The following B4GALT4 variants were observed in gnomAD, a reference collection of about 807,000 sequenced individuals.
The protein encoded by B4GALT4 is N-acetyllactosamine synthase.
B4GALT4 carries 27 observed loss-of-function variants against 37.3 expected under a neutral mutation model. The observed-to-expected ratio is 0.72, with a 90% CI of 0.53 to 1.00. B4GALT4 has a LOEUF of 1.00. Among genes scored for constraint, B4GALT4 ranks in the 50% least tolerant of loss-of-function variants. The probability of loss-of-function intolerance (pLI) is 0.00; values close to 1 mark genes in which losing one functional copy is unlikely to be tolerated. For missense variants in B4GALT4, 372 were observed against 413.1 expected, an observed-to-expected ratio of 0.90 and a Z score of 0.86; for synonymous variants, 148 against 154.1, an observed-to-expected ratio of 0.96 and a Z score of 0.29.
chr3:119,224,461 G>A (rs908594013), intron 4 of B4GALT4, among the ~76,000 whole-genome samples: 3 of 152,168 alleles, frequency 2.0e-5, no homozygotes, highest in African/African-American at 7.2e-5. Context: ...CCAGAACTTA[G>A]AAACAGTCCT....
At chr3:119,222,185 G>A (rs892121616) in intron 5 of B4GALT4, among the ~76,000 whole-genome samples, 2 of 152,340 alleles carry the variant, frequency 1.3e-5, no homozygotes, top group East Asian at 3.9e-4. Context: ...TCTATGGTAA[G>A]TGTCTAAGGT....
At chr3:119,235,423 T>C (rs541649932) in intron 2 of B4GALT4, among the ~76,000 whole-genome samples, 1 of 152,272 alleles carries the variant, frequency 6.6e-6, no homozygotes, top group Admixed American at 6.5e-5. Flanking sequence ...CATTCCAACA[T>C]CTCTGAACCT....
At chr3:119,223,585 G>T (rs891164537) in intron 5 of B4GALT4, among the ~76,000 whole-genome samples, 3 of 152,130 alleles carry the variant, frequency 2.0e-5, no homozygotes, top group African/African-American at 7.2e-5. Context: ...TGGCTCCCGA[G>T]AAGACTACTC....
At position 119,226,776 on chromosome 3, in the gene B4GALT4, C is replaced by G. The variant is rs72655934; in HGVS notation, c.486+33G>C. ...CAAGTCTGGCAGAGAAGAGGAGGGTCGAGGGCAGGCCCTGGTCTGCCCCCA... is the reference window on the plus strand; with the variant it reads ...CAAGTCTGGCAGAGAAGAGGAGGGTGGAGGGCAGGCCCTGGTCTGCCCCCA... On this transcript the variant is annotated intron_variant, in intron 4 of 7. Transcript: ENST00000393765. 1,687 of 1,570,444 alleles carry G rather than the reference C, an allele frequency of 1.1e-3. 10 individuals are homozygous for G. The African/African-American group carries it at 0.017, about 16-fold the overall frequency.
chr3:119,220,894 G>A (rs373940958), intron 5 of B4GALT4, among the ~76,000 whole-genome samples: 7 of 151,852 alleles, frequency 4.6e-5, no homozygotes, highest in Admixed American at 4.6e-4. Context: ...GCTGAGTCAG[G>A]AGAATCCCTT....
intron 5 of B4GALT4, among the ~76,000 whole-genome samples, chr3:119,219,773 C>G (rs1376033283): frequency 6.6e-6 from 1 of 152,114 alleles, no homozygotes; most frequent in East Asian, 1.9e-4. Context: ...TATCAGTGGA[C>G]AAATTTGTAA....
In B4GALT4 at chr3:119,212,297, T is replaced by C; in HGVS notation, c.*252A>G. ...TTTTATCCTTTGAGTCATCCTTTTA[T>C]ATAAAGTCCTTCAAGTATCCATATT... On this transcript the variant is annotated 3_prime_UTR_variant, in exon 8 of 8. Coordinates refer to ENST00000393765, the MANE Select transcript of B4GALT4 (RefSeq NM_003778.4). 1 of 692,014 alleles carries C rather than the reference T, an allele frequency of 1.4e-6. No individual in the cohort carries two copies. The highest frequency in any genetic ancestry group is 2.6e-6 in the Non-Finnish European group (1 of 381,028). The allele number at this position is 692,014 out of a possible 1,614,324, so 42.9% of individuals were successfully genotyped here. A position where few individuals can be genotyped will look rare whatever the true frequency, so the allele number is the denominator to read the frequency against.
intron 2 of B4GALT4, chr3:119,232,502 C>T (rs929229909): frequency 3.3e-5 from 5 of 152,264 alleles, no homozygotes; most frequent in Non-Finnish European, 7.3e-5. Flanking sequence ...TGGATATTTC[C>T]TCTTTTCTCC....
chr3:119,235,809 A>C (rs926418517), intron 2 of B4GALT4, among the ~76,000 whole-genome samples: 2 of 152,184 alleles, frequency 1.3e-5, no homozygotes, highest in African/African-American at 2.4e-5. Context: ...GAAGCATTTG[A>C]GTAATTTAAA....
intron 1 of B4GALT4, among the ~76,000 whole-genome samples, chr3:119,237,514 C>CAG (rs2079019893): frequency 6.6e-6 from 1 of 152,162 alleles, no homozygotes; most frequent in Non-Finnish European, 1.5e-5. Flanking sequence ...CACTCCAAAG[C>CAG]CAATGGGTCA....
chr3:119,214,889 T>TTA (rs2107457296), intron 7 of B4GALT4: 1 of 152,314 alleles, frequency 6.6e-6, no homozygotes, highest in Non-Finnish European at 1.5e-5. Flanking sequence ...AATGCATAGA[T>TTA]TAGACTGGCA....
intron 5 of B4GALT4, among the ~76,000 whole-genome samples, chr3:119,222,894 C>A (rs531340527): frequency 2.0e-5 from 3 of 152,210 alleles, no homozygotes; most frequent in African/African-American, 7.2e-5. Flanking sequence ...TACACACAGC[C>A]GGGGTTTAAA....
At chr3:119,238,254 C>A (rs2079041294) in intron 1 of B4GALT4, among the ~76,000 whole-genome samples, 1 of 139,752 alleles carries the variant, frequency 7.2e-6, no homozygotes, top group Non-Finnish European at 1.6e-5. Context: ...GCATCAGAGA[C>A]CCTGTCTCTA....
Position 119,230,112 on chromosome 3 carries a change from G to C in B4GALT4, c.-13C>G, listed in dbSNP as rs368354053. 1 of 1,613,622 alleles carries C rather than the reference G, an allele frequency of 6.2e-7. No homozygotes were observed. Among genetic ancestry groups the C allele is most frequent in the Non-Finnish European group, 8.5e-7 (1 of 1,179,756 alleles). The stretch of plus-strand genomic sequence containing the variant: ...GGTTGAAGCCCATGTTTTTTATTAC[G>C]TGAATAATATCTATCTCTCTGCTTC... On this transcript the variant is annotated 5_prime_UTR_variant, in exon 3 of 8. Transcript: ENST00000393765.
chr3:119,215,585 C>T (rs1460810754), intron 7 of B4GALT4: 1 of 152,200 alleles, frequency 6.6e-6, no homozygotes. Context: ...CTCTAGAGAA[C>T]CCTGACTAAT....
chr3:119,234,768 G>A (rs779001234), intron 2 of B4GALT4, among the ~76,000 whole-genome samples: 7 of 152,184 alleles, frequency 4.6e-5, no homozygotes, highest in Non-Finnish European at 1.0e-4. Flanking sequence ...GTCTTGAAGT[G>A]CCAAGGGACT....
chr3:119,229,929 C>A lies in B4GALT4; in HGVS notation c.171G>T (p.Leu57Phe). The A allele has an allele frequency of 6.2e-7, 1 of 1,614,144 alleles. No individual in the cohort carries two copies. The highest frequency in any genetic ancestry group is 8.5e-7 in the Non-Finnish European group (1 of 1,180,026). ...FMANFHKTLI[L>F]GKGKTLTNEA... ...CATTAGTCAGAGTTTTTCCCTTCCC[C>A]AAAATGAGGGTCTTATGGAAATTAG... Residue 57 changes from leucine (L) to phenylalanine (F), a missense_variant, in exon 3 of 8, where the codon TTG becomes TTT. By Grantham distance (22) the Leu-to-Phe change is conservative (BLOSUM62 0). Coordinates refer to ENST00000393765, the MANE Select transcript of B4GALT4 (RefSeq NM_003778.4).
chr3:119,221,563 T>C (rs538906628), intron 5 of B4GALT4, among the ~76,000 whole-genome samples: 2 of 152,316 alleles, frequency 1.3e-5, no homozygotes, highest in African/African-American at 4.8e-5. Context: ...AGGCAACTCC[T>C]ACCTACATTA....
At chr3:119,237,360 T>A (rs908176664) in intron 1 of B4GALT4, among the ~76,000 whole-genome samples, 1 of 152,246 alleles carries the variant, frequency 6.6e-6, no homozygotes, top group East Asian at 1.9e-4. Flanking sequence ...GGTTATCAGA[T>A]GCATGAATGG....
Sources: allele counts gnomAD v4.1 joint callset (sites outside exome capture counted in the v4.1 genomes callset), GRCh38; gene constraint gnomAD v4.1.1; transcripts MANE v1.5; gene names NCBI Gene and HGNC (gene_info 2026-07-23, HGNC 2026-07-21).